The following DRG2 variants were observed in gnomAD, a reference collection of about 807,000 sequenced individuals.
The protein encoded by DRG2 is developmentally regulated GTP binding protein 2.
DRG2 carries 36 observed loss-of-function variants against 53.4 expected under a neutral mutation model. The observed-to-expected ratio is 0.67, with a 90% confidence interval of 0.52 to 0.89. The LOEUF (loss-of-function observed/expected upper bound fraction) is 0.89. Ranked by LOEUF, DRG2 falls within the 40% of genes least tolerant of loss-of-function variation. The pLI is 0.00. For synonymous variants in DRG2, 167 were observed against 192.1 expected, an observed-to-expected ratio of 0.87 and a Z score of 1.08; for missense variants, 342 against 481.2, an observed-to-expected ratio of 0.71 and a Z score of 2.71.
rs567748327 is a variant in DRG2 at position 18,099,196 on chromosome 17, A to G, written c.376+119A>G. ...CCTGGTCCATTATCCCGCTTTCCAG[A>G]AAAGACAGGTTCCAGTTCAAATCCT... On this transcript the variant is annotated intron_variant, in intron 4 of 12. Transcript: ENST00000225729. The surrounding 1 kb of genome is among the most constrained non-coding windows in gnomAD (Gnocchi z 4.4). 355 of 1,352,656 alleles carry G rather than the reference A, an allele frequency of 2.6e-4. 3 individuals are homozygous for G. In the African/African-American group the frequency reaches 4.3e-3, roughly 16 times the overall value. The allele number at this position is 1,352,656 out of a possible 1,614,324, so 83.8% of individuals were successfully genotyped here. A position where few individuals can be genotyped will look rare whatever the true frequency, so the allele number is the denominator to read the frequency against.
At chr17:18,093,787 C>G (rs748551863) in intron 1 of DRG2, 26 bp from the exon 2 acceptor site, 2 of 1,608,368 alleles carry the variant, frequency 1.2e-6, no homozygotes, top group Non-Finnish European at 8.5e-7. Flanking sequence ...GGCCACTCAT[C>G]TTCTGTCTTG....
chr17:18,099,979 G>A lies in DRG2; in HGVS notation c.467+256G>A, dbSNP rs1364185878. On this transcript the variant is annotated intron_variant, in intron 5 of 12. Transcript: ENST00000225729. The surrounding 1 kb of genome is among the most constrained non-coding windows in gnomAD (Gnocchi z 4.4). ...GCCCTGCTTCCTGTTCAGAGGCACA[G>A]GTGCCTCATCACTGCCCAGAACCTG... 7 of 591,366 alleles carry A rather than the reference G, an allele frequency of 1.2e-5. No homozygotes were observed. Among genetic ancestry groups the A allele is most frequent in the Non-Finnish European group, 2.1e-5 (7 of 332,274 alleles). 36.6% of individuals were successfully genotyped at this position (591,366 alleles called of 1,614,324 possible).
rs2045540385 is a variant in DRG2, at chr17:18,101,725, G to T, written c.729+135G>T. On this transcript the variant is annotated intron_variant, in intron 8 of 12. Coordinates refer to ENST00000225729, the MANE Select transcript of DRG2 (RefSeq NM_001388.5). Reference sequence around the variant, plus strand: ...CTCACCTCACCTCACCTCAGTGGCTGCTTGGATCTTGCAGACATAGAGAGC... The same window carrying T: ...CTCACCTCACCTCACCTCAGTGGCTTCTTGGATCTTGCAGACATAGAGAGC... 5 of 1,073,212 alleles carry T rather than the reference G, an allele frequency of 4.7e-6. No homozygotes were observed. In the Admixed American group the frequency reaches 1.2e-4, roughly 25 times the overall value. The allele number at this position is 1,073,212 out of a possible 1,614,324, so 66.5% of individuals were successfully genotyped here.
intron 1 of DRG2, 91 bp downstream of exon 1, chr17:18,088,178 G>T: frequency 6.9e-7 from 1 of 1,440,056 alleles, no homozygotes. Flanking sequence ...TAATGCTGGG[G>T]CAAGATCCGA....
chr17:18,097,996 T>G (rs1163530819), intron 2 of DRG2: 1 of 304,756 alleles, frequency 3.3e-6, no homozygotes, highest in Non-Finnish European at 6.3e-6. Context: ...CTGATGTATA[T>G]GGGGAACCCC....
Position 18,100,508 on chromosome 17 carries a change from G to T in DRG2, c.541-61G>T, listed in dbSNP as rs1045706616. The T allele has an allele frequency of 1.1e-5, 17 of 1,613,468 alleles. No homozygotes were observed. In the Middle Eastern group the frequency reaches 4.9e-4, roughly 47 times the overall value. On this transcript the variant is annotated intron_variant, in intron 6 of 12. Coordinates refer to ENST00000225729, the MANE Select transcript of DRG2 (RefSeq NM_001388.5). The surrounding 1 kb of genome is among the most constrained non-coding windows in gnomAD (Gnocchi z 4.1). Reference sequence around the variant, plus strand: ...ACTGCATTGGCTGGCGGCTGAGGCTGTGGGACCATTGCTGTGACCCCTCGG... The same window carrying T: ...ACTGCATTGGCTGGCGGCTGAGGCTTTGGGACCATTGCTGTGACCCCTCGG...
intron 1 of DRG2, 113 bp from the exon 2 acceptor site, chr17:18,093,700 C>A: frequency 2.4e-6 from 3 of 1,232,914 alleles, no homozygotes; most frequent in Non-Finnish European, 3.4e-6. Flanking sequence ...TTCTCCTGAT[C>A]TCCTTGACAG....
At chr17:18,089,425 C>G (rs1372309802) in intron 1 of DRG2, among the ~76,000 whole-genome samples, 2 of 152,210 alleles carry the variant, frequency 1.3e-5, no homozygotes, top group African/African-American at 4.8e-5. Flanking sequence ...CAGGCATGAG[C>G]CACCGTGCCT....
intron 1 of DRG2, among the ~76,000 whole-genome samples, chr17:18,089,240 G>A (rs1258123696): frequency 6.6e-6 from 1 of 152,204 alleles, no homozygotes; most frequent in Non-Finnish European, 1.5e-5. Flanking sequence ...CCAGGTTCAA[G>A]CGATTCTCCT....
chr17:18,100,280 G>A lies in DRG2; in HGVS notation c.468-83G>A. The A allele has an allele frequency of 7.2e-7, 1 of 1,391,504 alleles. No individual in the cohort carries two copies. The highest frequency in any genetic ancestry group is 2.3e-4 in the Middle Eastern group (1 of 4,332). 86.2% of individuals were successfully genotyped at this position (1,391,504 alleles called of 1,614,324 possible). A position where few individuals can be genotyped will look rare whatever the true frequency, so the allele number is the denominator to read the frequency against. On this transcript the variant is annotated intron_variant, in intron 5 of 12. Transcript: ENST00000225729. This position sits in a 1 kb window ranked among gnomAD's most constrained non-coding sequence, Gnocchi z 4.1. ...GAGGAGAGAGTCAGTCTCTGGGTGGGCAGTGACATCCTGCGTAACAGGGAA... is the reference window on the plus strand; with the variant it reads ...GAGGAGAGAGTCAGTCTCTGGGTGGACAGTGACATCCTGCGTAACAGGGAA...
intron 1 of DRG2, among the ~76,000 whole-genome samples, chr17:18,093,570 G>A (rs1369466270): frequency 5.3e-5 from 8 of 152,206 alleles, no homozygotes; most frequent in East Asian, 1.9e-4. Context: ...CACCCGCCTC[G>A]GCCTCCCAAA....
At chr17:18,090,386 ATATATATATATATATATATAT>A (rs1487212044) in intron 1 of DRG2, among the ~76,000 whole-genome samples, 323 of 10,664 alleles carry the variant, frequency 0.03, 8 homozygotes, top group African/African-American at 0.061. Context: ...ATATATATAT[ATATATATATATATATATATAT>A]TTTTTTTTTT....
chr17:18,088,904 A>G (rs1306828523), intron 1 of DRG2, among the ~76,000 whole-genome samples: 1 of 152,176 alleles, frequency 6.6e-6, no homozygotes, highest in Non-Finnish European at 1.5e-5. Flanking sequence ...AGACAAAGAC[A>G]TGGGAGTGAG....
Position 18,103,671 on chromosome 17 carries a change from C to A in DRG2, c.807-130C>A. On this transcript the variant is annotated intron_variant, in intron 9 of 12. Transcript: ENST00000225729. This position sits in a 1 kb window ranked among gnomAD's most constrained non-coding sequence, Gnocchi z 4.4. ...ATCAGGCTGCCATCATAGTAATGGG[C>A]TTGTTTCCCTGTGGGTACCAGCGGG... 1 of 793,382 alleles carries A rather than the reference C, an allele frequency of 1.3e-6. No homozygotes were observed. Among genetic ancestry groups the A allele is most frequent in the Non-Finnish European group, 2.1e-6 (1 of 467,920 alleles). The allele number at this position is 793,382 out of a possible 1,614,324, so 49.1% of individuals were successfully genotyped here.
intron 2 of DRG2, chr17:18,095,804 C>T (rs1302166134): frequency 3.3e-5 from 5 of 152,224 alleles, no homozygotes; most frequent in African/African-American, 1.2e-4. Flanking sequence ...TGGCAGTTAA[C>T]ATTTTACACC....
rs9908502 is a variant in DRG2 at position 18,107,007 on chromosome 17, G to A, written c.1009-147G>A. Reference sequence around the variant, plus strand: ...TCCCCAACCTTTGAGATCAGGGATGGTCAGACAACTGCGGACATCCTGCTG... The same window carrying A: ...TCCCCAACCTTTGAGATCAGGGATGATCAGACAACTGCGGACATCCTGCTG... On this transcript the variant is annotated intron_variant, in intron 12 of 12. Transcript: ENST00000225729. 3.6e-3 allele frequency: 2,443 copies of A among 671,992 alleles called. 35 individuals carry two copies. The African/African-American group carries it at 0.038, about 11-fold the overall frequency. The allele number at this position is 671,992 out of a possible 1,614,324, so 41.6% of individuals were successfully genotyped here.
Position 18,103,972 on chromosome 17 carries a change from C to A in DRG2, c.895+83C>A. 3.7e-6 allele frequency: 5 copies of A among 1,348,906 alleles called. No individual in the cohort carries two copies. The highest frequency in any genetic ancestry group is 5.3e-6 in the Non-Finnish European group (5 of 943,034). 83.6% of individuals were successfully genotyped at this position (1,348,906 alleles called of 1,614,324 possible). On this transcript the variant is annotated intron_variant, in intron 10 of 12. Transcript: ENST00000225729. The surrounding 1 kb of genome is among the most constrained non-coding windows in gnomAD (Gnocchi z 4.4). ...CAGGCCGGTGTGTGGTGCCCAGAGA[C>A]CCCAGCACCGGCTCTGGCCTGGCTT...
Position 18,099,563 on chromosome 17 carries a change from C to T in DRG2, c.377-70C>T. 6.6e-7 allele frequency: 1 copy of T among 1,510,522 alleles called. No individual in the cohort carries two copies. The highest frequency in any genetic ancestry group is 9.0e-7 in the Non-Finnish European group (1 of 1,109,440). The allele number at this position is 1,510,522 out of a possible 1,614,324, so 93.6% of individuals were successfully genotyped here. On this transcript the variant is annotated intron_variant, in intron 4 of 12. Coordinates refer to ENST00000225729, the MANE Select transcript of DRG2 (RefSeq NM_001388.5). The surrounding 1 kb of genome is among the most constrained non-coding windows in gnomAD (Gnocchi z 4.4). ...GGTAGGTCTGTAAAGGACAGGAGTC[C>T]AGGGCGCCGTGGGCTGGGTAGCAGT...
Position 18,098,602 on chromosome 17 carries a change from C to G in DRG2, c.315+243C>G. The G allele has an allele frequency of 4.1e-6, 2 of 489,442 alleles. No individual in the cohort carries two copies. The highest frequency in any genetic ancestry group is 4.6e-5 in the South Asian group (2 of 43,436). 30.3% of individuals were successfully genotyped at this position (489,442 alleles called of 1,614,324 possible). A position where few individuals can be genotyped will look rare whatever the true frequency, so the allele number is the denominator to read the frequency against. The stretch of plus-strand genomic sequence containing the variant: ...CATGTGGCTACTTTGCCTGGCGCCC[C>G]CTGTGCTCTCCTCCCCAACACCACC... On this transcript the variant is annotated intron_variant, in intron 3 of 12. Transcript: ENST00000225729. This position sits in a 1 kb window ranked among gnomAD's most constrained non-coding sequence, Gnocchi z 4.1.
Sources: gnomAD v4.1 joint callset for allele counts (sites outside exome capture counted in the v4.1 genomes callset) on GRCh38, gnomAD v4.1.1 for gene constraint, Gnocchi (gnomAD v3.1) non-coding constraint, MANE v1.5 for transcripts, NCBI Gene and HGNC (gene_info 2026-07-23, HGNC 2026-07-21) for gene names.